Variants in PIDD1 observed in about 807,000 individuals in gnomAD.
PIDD1 encodes p53-induced death domain protein 1.
A neutral mutation model predicts 80.0 loss-of-function variants in PIDD1; 72 were observed. The observed-to-expected ratio is 0.90, with a 90% confidence interval of 0.74 to 1.09. The LOEUF is 1.09. Ranked by LOEUF, PIDD1 falls within the 50% of genes least tolerant of loss-of-function variation. The probability of loss-of-function intolerance (pLI) is 0.00; values close to 1 mark genes in which losing one functional copy is unlikely to be tolerated. For synonymous variants in PIDD1, 655 were observed against 543.5 expected, an observed-to-expected ratio of 1.21 and a Z score of -2.85; for missense variants, 1,329 against 1,228.3, an observed-to-expected ratio of 1.08 and a Z score of -1.23.
In PIDD1 at chr11:800,409, T is replaced by A. The variant is rs777429627; in HGVS notation, c.2084A>T (p.Tyr695Phe). 1 of 1,571,906 alleles carries A rather than the reference T, an allele frequency of 6.4e-7. No individual in the cohort carries two copies. Among genetic ancestry groups the A allele is most frequent in the Non-Finnish European group, 8.7e-7 (1 of 1,152,606 alleles). Reference sequence around the variant, plus strand: ...CTCCTTCACATTCTTCAGGTGCGAGTAGAAGACAAAGCAGATTCTGCCCTC... The same window carrying A: ...CTCCTTCACATTCTTCAGGTGCGAGAAGAAGACAAAGCAGATTCTGCCCTC... Reference protein sequence around the residue: ...CVEGRICFVFYSHLKNVKEVY... With the variant: ...CVEGRICFVFFSHLKNVKEVY... Residue 695 changes from tyrosine (Y) to phenylalanine (F), a missense_variant, in exon 13 of 16, where the codon TAC (tyrosine) becomes TTC (phenylalanine). Physicochemically the swap from Tyr to Phe is conservative, Grantham distance 22. Transcript: ENST00000347755.
upstream of PIDD1, among the ~76,000 whole-genome samples, chr11:808,140 G>C (rs1865874114): frequency 6.6e-6 from 1 of 151,430 alleles, no homozygotes; most frequent in African/African-American, 2.4e-5. Context: ...AAAAAAGTGA[G>C]ATGGGGCTGG....
At position 801,632 on chromosome 11, in the gene PIDD1, G is replaced by GT; in HGVS notation, c.1303-9_1303-8insA. ...GCAGTGAGCCCAGAGCCGCTGGGAT[G>GT]GGGGAGAGAGGAGGTCACAGGAGCC... On this transcript the variant is annotated splice_polypyrimidine_tract_variant and intron_variant, in intron 7 of 15. Coordinates refer to ENST00000347755, the MANE Select transcript of PIDD1 (RefSeq NM_145886.4). The GT allele has an allele frequency of 1.4e-6, 2 of 1,439,462 alleles. No individual in the cohort carries two copies. The highest frequency in any genetic ancestry group is 1.2e-5 in the South Asian group (1 of 81,376). 89.2% of individuals were successfully genotyped at this position (1,439,462 alleles called of 1,614,324 possible). A position where few individuals can be genotyped will look rare whatever the true frequency, so the allele number is the denominator to read the frequency against.
rs1175450996 is a variant in PIDD1 at position 801,224 on chromosome 11, T to C, written c.1624A>G (p.Ile542Val). 14 of 1,552,420 alleles carry C rather than the reference T, an allele frequency of 9.0e-6. No homozygotes were observed. Among genetic ancestry groups the C allele is most frequent in the African/African-American group, 1.4e-5 (1 of 73,464 alleles). The change falls in exon 9 of 16, where the codon ATC (isoleucine) becomes GTC (valine). Residue 542 changes from isoleucine (I) to valine (V), a missense_variant. Coordinates refer to ENST00000347755, the MANE Select transcript of PIDD1 (RefSeq NM_145886.4). ...CCCCATGGCTGCCTCTCACCTGTGA[T>C]GCCAGAGGGCAGAGGCAGCTGCACG... is the stretch of plus-strand genomic sequence containing the variant. ...VTVQLPLPSG[I>V]TGLSLDRSRL... is the part of the protein sequence containing the mutation.
In PIDD1 at chr11:804,430, G is replaced by A. The variant is rs1402963153; in HGVS notation, c.-42C>T. On this transcript the variant is annotated 5_prime_UTR_variant, in exon 2 of 16. Transcript: ENST00000347755. ...TTGGAGGCCAGACATGTCCCAGCAC[G>A]CAGGCAGGCCTGTCCAGGCAGCGCC... 6 of 1,546,238 alleles carry A rather than the reference G, an allele frequency of 3.9e-6. No homozygotes were observed. Among genetic ancestry groups the A allele is most frequent in the Non-Finnish European group, 5.2e-6 (6 of 1,147,128 alleles).
intron 2 of PIDD1, 99 bp from the exon 3 acceptor site, chr11:803,686 C>T (rs1314982512): frequency 7.3e-7 from 1 of 1,377,018 alleles, no homozygotes; most frequent in Non-Finnish European, 9.9e-7. Flanking sequence ...AGGCACAGAC[C>T]TCCCACCCCA....
Position 800,627 on chromosome 11 carries a change from C to CCCGGTA in PIDD1, c.1951_1956dup (p.Tyr651_Arg652dup). ...TCCACCGTGTCAGAGGGCTCGGGGCCCCGGTACCGCTCCAGCAGCCGCCGA... is the reference window on the plus strand; with the variant it reads ...TCCACCGTGTCAGAGGGCTCGGGGCCCCGGTACCGGTACCGCTCCAGCAGCCGCCGA... On this transcript the variant is annotated inframe_insertion, in exon 12 of 16. Coordinates refer to ENST00000347755, the MANE Select transcript of PIDD1 (RefSeq NM_145886.4). 6.3e-7 allele frequency: 1 copy of CCCGGTA among 1,599,186 alleles called. No individual in the cohort carries two copies. Among genetic ancestry groups the CCCGGTA allele is most frequent in the Non-Finnish European group, 8.5e-7 (1 of 1,177,834 alleles).
intron 7 of PIDD1, 146 bp downstream of exon 7, chr11:801,819 G>A (rs1865361317): frequency 8.7e-7 from 1 of 1,146,990 alleles, no homozygotes; most frequent in Non-Finnish European, 1.3e-6. Flanking sequence ...GGACGGGGTG[G>A]GGTGGAAGGT....
upstream of PIDD1, chr11:805,307 GC>G: frequency 2.7e-6 from 2 of 753,334 alleles, no homozygotes; most frequent in Non-Finnish European, 3.2e-6. Context: ...CTCGGGACGC[GC>G]CCCCTCCGCC....
Position 803,682 on chromosome 11 carries a change from A to C in PIDD1, c.296-95T>G, listed in dbSNP as rs868655153. On this transcript the variant is annotated intron_variant, in intron 2 of 15. Coordinates refer to ENST00000347755, the MANE Select transcript of PIDD1 (RefSeq NM_145886.4). ...AGAGAAACAGCTGCTCGAGAGGCAC[A>C]GACCTCCCACCCCACCCCCACCCCA... The C allele has an allele frequency of 5.6e-6, 8 of 1,420,812 alleles. No homozygotes were observed. In the South Asian group the frequency reaches 1.0e-4, roughly 18 times the overall value. The allele number at this position is 1,420,812 out of a possible 1,614,324, so 88.0% of individuals were successfully genotyped here.
Position 801,035 on chromosome 11 carries a change from G to C in PIDD1, c.1716C>G (p.Val572=). Residue 572 remains valine, a synonymous_variant, in exon 10 of 16, where the codon GTC becomes GTG. Coordinates refer to ENST00000347755, the MANE Select transcript of PIDD1 (RefSeq NM_145886.4). ...ATWDDITAQV[V]LELTHLYARF... is the part of the protein sequence containing the mutation. ...GTGCGTACAGGTGGGTGAGCTCCAG[G>C]ACCACCTGAGCTGTGATGTCATCCC... The C allele has an allele frequency of 6.2e-7, 1 of 1,602,016 alleles. No individual in the cohort carries two copies. The highest frequency in any genetic ancestry group is 8.5e-7 in the Non-Finnish European group (1 of 1,174,846).
In PIDD1 at chr11:805,095, G is replaced by T. The variant is rs2133814779; in HGVS notation, c.-76+84C>A. ...CCGAGGCAGGCTCGGGATCCCCCGG[G>T]CGTCGGGGATGGGAACGGCCCCCAG... On this transcript the variant is annotated intron_variant, in intron 1 of 15. Coordinates refer to ENST00000347755, the MANE Select transcript of PIDD1 (RefSeq NM_145886.4). The T allele has an allele frequency of 5.8e-6, 3 of 517,306 alleles. No homozygotes were observed. The South Asian group carries it at 2.5e-4, about 42-fold the overall frequency. 32.0% of individuals were successfully genotyped at this position (517,306 alleles called of 1,614,324 possible). A position where few individuals can be genotyped will look rare whatever the true frequency, so the allele number is the denominator to read the frequency against.
Position 800,553 on chromosome 11 carries a change from G to A in PIDD1, c.2031C>T (p.Asp677=), listed in dbSNP as rs761169836. Residue 677 remains aspartate, a synonymous_variant, in exon 12 of 16, where the codon GAC becomes GAT. Coordinates refer to ENST00000347755, the MANE Select transcript of PIDD1 (RefSeq NM_145886.4). The part of the protein sequence containing the change: ...EFFAAFERGI[D]VDADRPDCVE... ...CACCAGCATCCCTACCAGCATCCAC[G>A]TCGATGCCGCGCTCGAAGGCCGCAA... 4.4e-5 allele frequency: 68 copies of A among 1,535,584 alleles called. No homozygotes were observed. Among genetic ancestry groups the A allele is most frequent in the Non-Finnish European group, 5.2e-5 (59 of 1,128,186 alleles).
intron 6 of PIDD1, 25 bp downstream of exon 6, chr11:802,170 T>G: frequency 6.4e-7 from 1 of 1,572,974 alleles, no homozygotes; most frequent in Non-Finnish European, 8.6e-7. Context: ...GCCCACACAC[T>G]GCCCCCGCCA....
In PIDD1 at chr11:799,466, C is replaced by T. The variant is rs974411623; in HGVS notation, c.2574G>A (p.Glu858=). The change falls in exon 16 of 16, where the codon GAG becomes GAA. Residue 858 remains glutamate (E), a synonymous_variant. Transcript: ENST00000347755. ...GAVGLLVQAL[E]QSDRQDVAEE... is the part of the protein sequence containing the mutation. Reference sequence around the variant, plus strand: ...CAGCCACGTCCTGCCGGTCACTCTGCTCCAGGGCCTGCACCAGGAGCCCCA... The same window carrying T: ...CAGCCACGTCCTGCCGGTCACTCTGTTCCAGGGCCTGCACCAGGAGCCCCA... The T allele has an allele frequency of 4.3e-6, 7 of 1,609,774 alleles. No homozygotes were observed. The highest frequency in any genetic ancestry group is 5.9e-6 in the Non-Finnish European group (7 of 1,179,890).
At position 800,313 on chromosome 11, in the gene PIDD1, C is replaced by A; in HGVS notation, c.2160+20G>T. 1 of 1,612,736 alleles carries A rather than the reference C, an allele frequency of 6.2e-7. No individual in the cohort carries two copies. The highest frequency in any genetic ancestry group is 1.1e-5 in the South Asian group (1 of 91,090). On this transcript the variant is annotated intron_variant, in intron 13 of 15. Coordinates refer to ENST00000347755, the MANE Select transcript of PIDD1 (RefSeq NM_145886.4). Reference sequence around the variant, plus strand: ...AAGCGGCCTGGGGGGCCTCTCCCCTCACCCACTCCCCTCGCCCACCTGGCC... The same window carrying A: ...AAGCGGCCTGGGGGGCCTCTCCCCTAACCCACTCCCCTCGCCCACCTGGCC...
In PIDD1 at chr11:800,775, A is replaced by G; in HGVS notation, c.1904T>C (p.Leu635Pro). ...RDPEQVLLQC[L>P]PRNKVDATLR... ...CCGTGCCCCCACCTTGTTTCGGGGC[A>G]GGCACTGCAGCAGGACCTGCTCAGG... is the stretch of plus-strand genomic sequence containing the variant. Residue 635 changes from leucine to proline, a missense_variant, in exon 11 of 16, where the codon CTG (leucine) becomes CCG (proline). Coordinates refer to ENST00000347755, the MANE Select transcript of PIDD1 (RefSeq NM_145886.4). The G allele has an allele frequency of 6.5e-7, 1 of 1,550,108 alleles. No homozygotes were observed.
chr11:802,896 G>T lies in PIDD1; in HGVS notation c.710-5C>A. On this transcript the variant is annotated splice_polypyrimidine_tract_variant and splice_region_variant and intron_variant, in intron 3 of 15. Coordinates refer to ENST00000347755, the MANE Select transcript of PIDD1 (RefSeq NM_145886.4). The stretch of plus-strand genomic sequence containing the variant: ...GCCGCAAGGACCGAAGTCCCGCTGC[G>T]GGCAGTTGCTGGCTTAGGCTTGGCA... 1.3e-6 allele frequency: 2 copies of T among 1,556,874 alleles called. No individual in the cohort carries two copies. Among genetic ancestry groups the T allele is most frequent in the East Asian group, 2.4e-5 (1 of 41,766 alleles).
At chr11:805,624 C>T, upstream of PIDD1, 1 of 985,426 alleles carries the variant, frequency 1.0e-6, no homozygotes, top group Middle Eastern at 5.2e-4. Flanking sequence ...ACCCCTGCTA[C>T]AAGCCGGAAC....
chr11:800,497 G>C (rs1865190059), intron 12 of PIDD1, 46 bp from the exon 13 acceptor site: 2 of 1,610,032 alleles, frequency 1.2e-6, no homozygotes, highest in Non-Finnish European at 1.7e-6. Flanking sequence ...GGGGAGGACG[G>C]TAAGGCTCCC....
Sources: allele counts gnomAD v4.1 joint callset (sites outside exome capture counted in the v4.1 genomes callset), GRCh38; gene constraint gnomAD v4.1.1; transcripts MANE v1.5; gene names NCBI Gene and HGNC (gene_info 2026-07-23, HGNC 2026-07-21).